GOLIM4: variants seen among roughly 807,000 people sequenced by gnomAD.
GOLIM4 encodes 130 kDa golgi-localized phosphoprotein.
In GOLIM4, 71 loss-of-function variants were observed where a neutral mutation model predicts 107.4. That is an observed-to-expected ratio of 0.66 (90% CI 0.55 to 0.81). The LOEUF is 0.81. Among genes scored for constraint, GOLIM4 ranks in the 30% least tolerant of loss-of-function variants. The probability of loss-of-function intolerance (pLI) is 0.00; values close to 1 mark genes in which losing one functional copy is unlikely to be tolerated. For missense variants in GOLIM4, 830 were observed against 826.1 expected (o/e 1.00, Z -0.06); for synonymous variants, 327 against 294.8 (o/e 1.11, Z -1.12).
chr3:168,084,496 T>C (rs972347582), intron 1 of GOLIM4, among the ~76,000 whole-genome samples: 1 of 152,148 alleles, frequency 6.6e-6, no homozygotes, highest in Non-Finnish European at 1.5e-5. Context: ...TTGAAGTAGA[T>C]CCTTTAATCC....
chr3:168,031,404 G>C (rs1718330563), intron 9 of GOLIM4, among the ~76,000 whole-genome samples: 1 of 152,118 alleles, frequency 6.6e-6, no homozygotes, highest in Admixed American at 6.5e-5. Flanking sequence ...GGGTTATCTA[G>C]ATTTGATCAT....
chr3:168,078,820 G>T (rs1721195022), intron 1 of GOLIM4, among the ~76,000 whole-genome samples: 1 of 152,136 alleles, frequency 6.6e-6, no homozygotes, highest in Non-Finnish European at 1.5e-5. Flanking sequence ...CAGTAAGCAT[G>T]AATAATGGTT....
chr3:168,022,591 A>C (rs866854632), intron 14 of GOLIM4, among the ~76,000 whole-genome samples: 1 of 152,208 alleles, frequency 6.6e-6, no homozygotes, highest in Non-Finnish European at 1.5e-5. Flanking sequence ...AACGATGGAC[A>C]GAGGTGGGAA....
chr3:168,040,710 G>GACTAT lies in GOLIM4; in HGVS notation c.684+75_684+76insATAGT, dbSNP rs1718937295. The GACTAT allele has an allele frequency of 2.3e-5, 20 of 877,522 alleles. No homozygotes were observed. The South Asian group carries it at 2.8e-4, about 12-fold the overall frequency. The allele number at this position is 877,522 out of a possible 1,614,324, so 54.4% of individuals were successfully genotyped here. ...ACTCACTGAAGATTGGCTTGTAAGA[G>GACTAT]ACTACATGCATAAAGGAATTGAGAA... On this transcript the variant is annotated intron_variant, in intron 7 of 15. Transcript: ENST00000470487.
At chr3:168,028,380 C>T (rs903373447) in intron 11 of GOLIM4, among the ~76,000 whole-genome samples, 1 of 152,116 alleles carries the variant, frequency 6.6e-6, no homozygotes, top group Admixed American at 6.5e-5. Context: ...TTACTTGCTG[C>T]TTTTTGAAAA....
chr3:168,079,709 AG>A (rs1721247754), intron 1 of GOLIM4, among the ~76,000 whole-genome samples: 2 of 152,184 alleles, frequency 1.3e-5, no homozygotes, highest in African/African-American at 4.8e-5. Context: ...AATTTAAAAA[AG>A]GGAAAGATTT....
intron 1 of GOLIM4, among the ~76,000 whole-genome samples, chr3:168,088,159 T>C (rs949111377): frequency 6.6e-6 from 1 of 152,168 alleles, no homozygotes; most frequent in African/African-American, 2.4e-5. Flanking sequence ...TTAGTTGCTA[T>C]CATGTAAAGC....
At chr3:168,092,578 A>C (rs1721968700) in intron 1 of GOLIM4, among the ~76,000 whole-genome samples, 1 of 152,188 alleles carries the variant, frequency 6.6e-6, no homozygotes, top group Admixed American at 6.5e-5. Context: ...TCATTTTTAA[A>C]AAGACCACTC....
chr3:168,038,825 A>C (rs993287691), intron 7 of GOLIM4, among the ~76,000 whole-genome samples: 9 of 152,180 alleles, frequency 5.9e-5, no homozygotes, highest in Admixed American at 1.3e-4. Flanking sequence ...CCTAACCTCC[A>C]ATGTGATGGA....
chr3:168,028,988 T>C (rs940551177), intron 11 of GOLIM4, among the ~76,000 whole-genome samples: 1 of 152,144 alleles, frequency 6.6e-6, no homozygotes, highest in African/African-American at 2.4e-5. Flanking sequence ...ATATTTAGTA[T>C]ATAAAAAGCT....
At chr3:168,057,212 T>C (rs900757012) in intron 1 of GOLIM4, among the ~76,000 whole-genome samples, 2 of 152,218 alleles carry the variant, frequency 1.3e-5, no homozygotes, top group Non-Finnish European at 2.9e-5. Flanking sequence ...TCCACCATGA[T>C]TGTGAGGACT....
At chr3:168,011,839 T>G (rs1192434772) in intron 14 of GOLIM4, among the ~76,000 whole-genome samples, 1 of 133,238 alleles carries the variant, frequency 7.5e-6, no homozygotes, top group Non-Finnish European at 1.5e-5. Flanking sequence ...GGGTCCTGTC[T>G]GTTAGAAGGA....
intron 2 of GOLIM4, among the ~76,000 whole-genome samples, chr3:168,047,203 GCTGTAAATCTTGCATC>G (rs2108251770): frequency 6.6e-6 from 1 of 152,288 alleles, no homozygotes; most frequent in African/African-American, 2.4e-5. Context: ...TTACCTTACA[GCTGTAAATCTTGCATC>G]CACAAAATCC....
intron 14 of GOLIM4, among the ~76,000 whole-genome samples, chr3:168,019,808 C>G (rs1037271057): frequency 7.2e-5 from 11 of 152,096 alleles, no homozygotes; most frequent in South Asian, 2.1e-4. Flanking sequence ...TTATTTGTCC[C>G]ACTTTTAGTA....
chr3:168,018,947 G>T (rs902708857), intron 14 of GOLIM4, among the ~76,000 whole-genome samples: 22 of 149,592 alleles, frequency 1.5e-4, no homozygotes, highest in African/African-American at 5.2e-4. Context: ...TAGCCATAAG[G>T]TCTCTCACAA....
rs1718233514 is a variant in GOLIM4, at chr3:168,030,038, T to C, written c.1177-2A>G. On this transcript the variant is annotated splice_acceptor_variant, in intron 9 of 15. Transcript: ENST00000470487. LOFTEE classifies it high-confidence loss of function. Reference sequence around the variant, plus strand: ...CATTGGCTTGGCTGAAGGGTACACCTAGGGTGAAAAAGAGTTGGTGCAGAG... The same window carrying C: ...CATTGGCTTGGCTGAAGGGTACACCCAGGGTGAAAAAGAGTTGGTGCAGAG... 1.9e-6 allele frequency: 3 copies of C among 1,613,502 alleles called. No homozygotes were observed. The highest frequency in any genetic ancestry group is 2.5e-6 in the Non-Finnish European group (3 of 1,179,474).
At chr3:168,080,695 T>A (rs1721317094) in intron 1 of GOLIM4, among the ~76,000 whole-genome samples, 1 of 152,156 alleles carries the variant, frequency 6.6e-6, no homozygotes, top group African/African-American at 2.4e-5. Flanking sequence ...ACACGCCCCA[T>A]TCCAAATAGG....
intron 14 of GOLIM4, among the ~76,000 whole-genome samples, chr3:168,015,805 T>TA (rs1717331474): frequency 7.5e-6 from 1 of 132,822 alleles, no homozygotes; most frequent in Non-Finnish European, 1.5e-5. Flanking sequence ...ATTCCCTATT[T>TA]AATAAATGGT....
At chr3:168,062,159 G>A (rs1274031831) in intron 1 of GOLIM4, among the ~76,000 whole-genome samples, 1 of 152,056 alleles carries the variant, frequency 6.6e-6, no homozygotes, top group African/African-American at 2.4e-5. Context: ...CTCTACACAT[G>A]CATGTCTGAC....
Sources: gnomAD v4.1 joint callset for allele counts (sites outside exome capture counted in the v4.1 genomes callset) on GRCh38, gnomAD v4.1.1 for gene constraint, MANE v1.5 for transcripts, NCBI Gene and HGNC (gene_info 2026-07-23, HGNC 2026-07-21) for gene names.